Variants in SHANK1 observed in about 807,000 individuals in gnomAD.
SHANK1 encodes SH3 and multiple ankyrin repeat domains 1.
Under a neutral mutation model 165.6 loss-of-function variants are expected in SHANK1, and 35 were observed. The observed-to-expected ratio is 0.21, with a 90% confidence interval of 0.16 to 0.28. The LOEUF (loss-of-function observed/expected upper bound fraction) is 0.28. Among genes scored for constraint, SHANK1 ranks in the 10% least tolerant of loss-of-function variants. SHANK1 has a pLI of 1.00. For missense variants in SHANK1, 2,681 were observed against 3,036.4 expected, an observed-to-expected ratio of 0.88 and a Z score of 2.75; for synonymous variants, 1,428 against 1,384.8, an observed-to-expected ratio of 1.03 and a Z score of -0.69.
intron 8 of SHANK1, 41 bp downstream of exon 8, chr19:50,711,330 C>T (rs202105430): frequency 7.1e-6 from 10 of 1,406,390 alleles, no homozygotes; most frequent in East Asian, 5.0e-5. Flanking sequence ...AGGCGGCTAT[C>T]GGGGATGTGA....
At chr19:50,704,847 C>T (rs2088919337) in intron 8 of SHANK1, among the ~76,000 whole-genome samples, 1 of 151,860 alleles carries the variant, frequency 6.6e-6, no homozygotes, top group African/African-American at 2.4e-5. Context: ...GCAGGAGTTC[C>T]AGACCAGCCT....
At chr19:50,674,677 T>C (rs1266052596) in intron 21 of SHANK1, among the ~76,000 whole-genome samples, 1 of 152,144 alleles carries the variant, frequency 6.6e-6, no homozygotes, top group Non-Finnish European at 1.5e-5. Context: ...GGCTCATGCC[T>C]GAAATCTCAA....
chr19:50,667,380 A>G lies in SHANK1; in HGVS notation c.4580T>C (p.Val1527Ala). 1 of 1,530,132 alleles carries G rather than the reference A, an allele frequency of 6.5e-7. No homozygotes were observed. The highest frequency in any genetic ancestry group is 8.8e-7 in the Non-Finnish European group (1 of 1,142,396). The allele number at this position is 1,530,132 out of a possible 1,614,324, so 94.8% of individuals were successfully genotyped here. ...CCTCGGGGAGGTCGGGGAGGGGGGC[A>G]CGGACCGGCGTGGGCTGGGCGGCGG... ...GVPPPSPRRS[V>A]PPSPTSPRAS... The change falls in exon 23 of 24, where the codon GTG (valine) becomes GCG (alanine). Residue 1527 changes from valine (V) to alanine (A), a missense_variant. Physicochemically the swap from Val to Ala is moderately conservative, Grantham distance 64. This residue lies in a region of SHANK1 where 1,713 missense variants were observed against 1,630.2 expected (regional missense o/e 1.05). Coordinates refer to ENST00000293441, the MANE Select transcript of SHANK1 (RefSeq NM_016148.5). This position sits in a 1 kb window ranked among gnomAD's most constrained non-coding sequence, Gnocchi z 5.7.
chr19:50,661,858 G>T lies in SHANK1; in HGVS notation c.*107C>A. 1 of 1,327,818 alleles carries T rather than the reference G, an allele frequency of 7.5e-7. No individual in the cohort carries two copies. The highest frequency in any genetic ancestry group is 1.1e-6 in the Non-Finnish European group (1 of 946,344). The allele number at this position is 1,327,818 out of a possible 1,614,324, so 82.3% of individuals were successfully genotyped here. ...GGGAGATGAGGGCAGGGCGCAGTTT[G>T]AACAGAGTCCCTGGCCCGGGGAGAG... On this transcript the variant is annotated 3_prime_UTR_variant, in exon 24 of 24. Coordinates refer to ENST00000293441, the MANE Select transcript of SHANK1 (RefSeq NM_016148.5).
chr19:50,669,062 G>C lies in SHANK1; in HGVS notation c.2898C>G (p.Ser966=). 9.2e-7 allele frequency: 1 copy of C among 1,090,048 alleles called. No homozygotes were observed. The highest frequency in any genetic ancestry group is 1.3e-6 in the Non-Finnish European group (1 of 774,684). The allele number at this position is 1,090,048 out of a possible 1,614,324, so 67.5% of individuals were successfully genotyped here. ...PGSGGPLPAS[S]PASFDGPSPP... is the part of the protein sequence containing the mutation. ...GGGAGGGCCCGTCAAAGGATGCAGG[G>C]GAGGAGGCGGGGAGGGGGCCACCAG... The change falls in exon 23 of 24, where the codon TCC becomes TCG. Residue 966 remains serine, a synonymous_variant. Coordinates refer to ENST00000293441, the MANE Select transcript of SHANK1 (RefSeq NM_016148.5).
chr19:50,705,923 G>A (rs566877403), intron 8 of SHANK1, among the ~76,000 whole-genome samples: 19 of 152,242 alleles, frequency 1.2e-4, no homozygotes, highest in Admixed American at 9.1e-4. Flanking sequence ...TTGGGAAGCC[G>A]AGGAGGGAGG....
rs117985269 is a variant in SHANK1 at position 50,717,280 on chromosome 19, C to T, written c.-43-318G>A. On this transcript the variant is annotated intron_variant, in intron 1 of 23. Transcript: ENST00000293441. This position sits in a 1 kb window ranked among gnomAD's most constrained non-coding sequence, Gnocchi z 5.5. ...TGTCCCAGAAACCGCAGAATCACCG[C>T]GGGAGCTACTGGCCCACTTTGCCAG... Among the ~76,000 whole-genome samples the T allele has an allele frequency of 2.0e-4, 30 of 152,338 alleles. No individual in the cohort carries two copies. Among genetic ancestry groups the T allele is most frequent in the African/African-American group, 4.3e-4 (18 of 41,576 alleles).
chr19:50,687,776 C>T, intron 18 of SHANK1, 114 bp from the exon 19 acceptor site: 2 of 1,364,782 alleles, frequency 1.5e-6, no homozygotes, highest in Non-Finnish European at 2.0e-6. Flanking sequence ...GTGCGGAGCC[C>T]TCCCTGCCTC....
At chr19:50,692,794 A>C in intron 15 of SHANK1, among the ~76,000 whole-genome samples, 2 of 149,492 alleles carry the variant, frequency 1.3e-5, no homozygotes, top group African/African-American at 2.5e-5. Context: ...GAGGTTCCAC[A>C]TCGCCCTAAC....
chr19:50,679,717 G>T (rs1402061177), intron 21 of SHANK1, among the ~76,000 whole-genome samples: 2 of 152,206 alleles, frequency 1.3e-5, no homozygotes, highest in African/African-American at 2.4e-5. Context: ...CCTGAGAGGG[G>T]ATAGGGGAGA....
At chr19:50,687,866 C>T (rs1986408166) in intron 18 of SHANK1, 57 bp downstream of exon 18, 8 of 1,604,662 alleles carry the variant, frequency 5.0e-6, no homozygotes, top group African/African-American at 2.7e-5. Flanking sequence ...CCCTGGGGCT[C>T]CCGCAGGGCT....
At position 50,661,053 on chromosome 19, in the gene SHANK1, A is replaced by G. The variant is rs1233171138; in HGVS notation, c.*912T>C. Reference sequence around the variant, plus strand: ...GCTTCAACGTAAGAAAATGGAGGTAAGAGTGTGTCAGGAGGGGTGCATAAG... The same window carrying G: ...GCTTCAACGTAAGAAAATGGAGGTAGGAGTGTGTCAGGAGGGGTGCATAAG... On this transcript the variant is annotated 3_prime_UTR_variant, in exon 24 of 24. Transcript: ENST00000293441. Among the ~76,000 whole-genome samples, 1 of 151,970 alleles carries G rather than the reference A, an allele frequency of 6.6e-6. No homozygotes were observed. The highest frequency in any genetic ancestry group is 1.9e-4 in the East Asian group (1 of 5,182).
chr19:50,671,020 C>T (rs1985771697), intron 22 of SHANK1, among the ~76,000 whole-genome samples: 1 of 151,802 alleles, frequency 6.6e-6, no homozygotes, highest in Admixed American at 6.6e-5. Context: ...TCTTGAACTC[C>T]TGACCTTGTG....
chr19:50,688,187 T>C lies in SHANK1; in HGVS notation c.2173-129A>G. The C allele has an allele frequency of 8.6e-7, 1 of 1,157,170 alleles. No individual in the cohort carries two copies. Among genetic ancestry groups the C allele is most frequent in the Non-Finnish European group, 1.2e-6 (1 of 813,200 alleles). 71.7% of individuals were successfully genotyped at this position (1,157,170 alleles called of 1,614,324 possible). ...GCCCTCTGGGCTATGTTCCTCTCCC[T>C]CCGACCCTTCATACCACCGCCTCCC... On this transcript the variant is annotated intron_variant, in intron 17 of 23. Coordinates refer to ENST00000293441, the MANE Select transcript of SHANK1 (RefSeq NM_016148.5). This position sits in a 1 kb window ranked among gnomAD's most constrained non-coding sequence, Gnocchi z 6.7.
rs902489190 is a variant in SHANK1 at position 50,712,805 on chromosome 19, G to C, written c.793-691C>G. The stretch of plus-strand genomic sequence containing the variant: ...CTGCACCACCCTATATGGCAGGCAC[G>C]TGTGGGCCCCTGAGCACTTGAACGT... On this transcript the variant is annotated intron_variant, in intron 6 of 23. Coordinates refer to ENST00000293441, the MANE Select transcript of SHANK1 (RefSeq NM_016148.5). 2.0e-5 allele frequency among the ~76,000 whole-genome samples: 3 copies of C among 152,254 alleles called. No homozygotes were observed. The East Asian group carries it at 5.8e-4, about 29-fold the overall frequency.
Position 50,711,477 on chromosome 19 carries a change from C to A in SHANK1, c.971G>T (p.Arg324Leu). The change falls in exon 8 of 24, where the codon CGG becomes CTG. Residue 324 changes from arginine to leucine, a missense_variant. Arg to Leu is a moderately radical substitution (Grantham distance 102, BLOSUM62 -2). Around this residue, in one of 10 missense-constraint regions of SHANK1, gnomAD observed 189 missense variants for 440.9 expected, o/e 0.43. Coordinates refer to ENST00000293441, the MANE Select transcript of SHANK1 (RefSeq NM_016148.5). ...ATGCTCCAGGTGCTGAGAGTGACCC[C>A]GCTGGCAGGCCTGGGCAGGACAGGG... The part of the protein sequence containing the change: ...GWQEIHQACQ[R>L]GHSQHLEHLL... 6.4e-7 allele frequency: 1 copy of A among 1,573,040 alleles called. No homozygotes were observed. The highest frequency in any genetic ancestry group is 2.4e-5 in the East Asian group (1 of 42,524).
intron 8 of SHANK1, among the ~76,000 whole-genome samples, chr19:50,707,430 A>G (rs1176038939): frequency 6.6e-6 from 1 of 152,124 alleles, no homozygotes; most frequent in Non-Finnish European, 1.5e-5. Context: ...TACCCCTTCC[A>G]CATGACAAAT....
At position 50,661,694 on chromosome 19, in the gene SHANK1, C is replaced by G. The variant is rs914774821; in HGVS notation, c.*271G>C. The G allele has an allele frequency of 8.1e-6, 4 of 496,830 alleles. No homozygotes were observed. The highest frequency in any genetic ancestry group is 7.3e-6 in the Non-Finnish European group (2 of 275,192). The allele number at this position is 496,830 out of a possible 1,614,324, so 30.8% of individuals were successfully genotyped here. On this transcript the variant is annotated 3_prime_UTR_variant, in exon 24 of 24. Transcript: ENST00000293441. The stretch of plus-strand genomic sequence containing the variant: ...CCAGAATAGGCCCTTCCCTCCTTCT[C>G]AATTCCCCTCTGTAATTTCTCCTAT...
rs1376914410 is a variant in SHANK1 at position 50,666,380 on chromosome 19, G to C, written c.5580C>G (p.Ala1860=). The change falls in exon 23 of 24, where the codon GCC becomes GCG. Residue 1860 remains alanine (A), a synonymous_variant. Transcript: ENST00000293441. ...PLPGPLAQPQ[A]SALATVKASI... Reference sequence around the variant, plus strand: ...TGGCTTTTACTGTGGCCAAGGCTGAGGCCTGAGGCTGGGCCAAGGGCCCGG... The same window carrying C: ...TGGCTTTTACTGTGGCCAAGGCTGACGCCTGAGGCTGGGCCAAGGGCCCGG... 2.5e-6 allele frequency: 4 copies of C among 1,613,642 alleles called. No individual in the cohort carries two copies. In the East Asian group the frequency reaches 8.9e-5, roughly 36 times the overall value.
Sources: gnomAD v4.1 joint callset for allele counts (sites outside exome capture counted in the v4.1 genomes callset) on GRCh38, gnomAD v4.1.1 for gene constraint, gnomAD v4.1.1 regional missense constraint, Gnocchi (gnomAD v3.1) non-coding constraint, MANE v1.5 for transcripts, NCBI Gene and HGNC (gene_info 2026-07-23, HGNC 2026-07-21) for gene names.